The following NALF1 variants were observed in gnomAD, a reference collection of about 807,000 sequenced individuals.
NALF1 encodes NALCN channel auxiliary factor 1.
A neutral mutation model predicts 48.4 loss-of-function variants in NALF1; 3 were observed. The observed-to-expected ratio is 0.06, with a 90% CI of 0.03 to 0.16. The LOEUF is 0.16. Among genes scored for constraint, NALF1 ranks in the 10% least tolerant of loss-of-function variants. NALF1 has a pLI of 1.00. For missense variants in NALF1, 526 were observed against 571.5 expected (o/e 0.92, Z 0.81); for synonymous variants, 262 against 245.7 (o/e 1.07, Z -0.62).
At chr13:107,222,236 C>A (rs1566455924) in intron 1 of NALF1, among the ~76,000 whole-genome samples, 1 of 152,128 alleles carries the variant, frequency 6.6e-6, no homozygotes, top group African/African-American at 2.4e-5. Flanking sequence ...GGTCTTAAGA[C>A]CTTCTTTCTC....
Position 107,550,322 on chromosome 13 carries a change from C to T in NALF1, c.915+315360G>A, listed in dbSNP as rs144521856. ...TTGGGCTAAGGACTTCTCTGTGCTA[C>T]TAGGGCTCCGATTGTTTCACTCATT... is the stretch of plus-strand genomic sequence containing the variant. On this transcript the variant is annotated intron_variant, in intron 1 of 2. Coordinates refer to ENST00000375915, the MANE Select transcript of NALF1 (RefSeq NM_001080396.3). Among the ~76,000 whole-genome samples, 569 of 152,228 alleles carry T rather than the reference C, an allele frequency of 3.7e-3. 2 individuals carry two copies. Among genetic ancestry groups the T allele is most frequent in the African/African-American group, 0.013 (544 of 41,534 alleles).
chr13:107,692,055 G>A (rs915556845), intron 1 of NALF1, among the ~76,000 whole-genome samples: 22 of 151,894 alleles, frequency 1.4e-4, no homozygotes, highest in African/African-American at 3.4e-4. Context: ...AAAATCTTAC[G>A]GACAAATGAG....
intron 1 of NALF1, among the ~76,000 whole-genome samples, chr13:107,646,169 C>A (rs981350457): frequency 6.6e-6 from 1 of 151,904 alleles, no homozygotes; most frequent in Non-Finnish European, 1.5e-5. Context: ...TCAGTGGGAA[C>A]GCTGGTCAAC....
At chr13:107,600,474 C>A (rs367597739) in intron 1 of NALF1, among the ~76,000 whole-genome samples, 1 of 151,398 alleles carries the variant, frequency 6.6e-6, no homozygotes, top group Non-Finnish European at 1.5e-5. Flanking sequence ...GCCAGATATT[C>A]TAACTATGTT....
chr13:107,283,041 C>T lies in NALF1; in HGVS notation c.916-72286G>A, dbSNP rs187565719. On this transcript the variant is annotated intron_variant, in intron 1 of 2. Transcript: ENST00000375915. The stretch of plus-strand genomic sequence containing the variant: ...ACATACTTCCAATTTTAGACGGAAA[C>T]GGTCAGTACAGAGGAACGGACGGGA... 3.9e-3 allele frequency among the ~76,000 whole-genome samples: 598 copies of T among 152,198 alleles called. 10 individuals are homozygous for T. The highest frequency in any genetic ancestry group is 0.021 in the South Asian group (101 of 4,816).
chr13:107,680,473 TGA>T (rs531257148), intron 1 of NALF1, among the ~76,000 whole-genome samples: 134 of 152,028 alleles, frequency 8.8e-4, no homozygotes, highest in African/African-American at 2.4e-3. Context: ...TGCATATGAA[TGA>T]GAGTGTGTGT....
At chr13:107,539,141 T>C (rs528005577) in intron 1 of NALF1, among the ~76,000 whole-genome samples, 1 of 151,994 alleles carries the variant, frequency 6.6e-6, no homozygotes, top group African/African-American at 2.4e-5. Flanking sequence ...CCATTTTCCA[T>C]TGCTCTAACA....
chr13:107,184,566 T>C (rs1879133695), intron 2 of NALF1, among the ~76,000 whole-genome samples: 1 of 152,222 alleles, frequency 6.6e-6, no homozygotes, highest in Non-Finnish European at 1.5e-5. Context: ...ATGTTTTCCT[T>C]TTGCAATTTT....
chr13:107,541,510 T>C (rs1876998488), intron 1 of NALF1, among the ~76,000 whole-genome samples: 1 of 152,078 alleles, frequency 6.6e-6, no homozygotes, highest in African/African-American at 2.4e-5. Flanking sequence ...AAGGGAGGGA[T>C]GGAAAGACAG....
intron 1 of NALF1, among the ~76,000 whole-genome samples, chr13:107,818,308 G>C (rs1014089656): frequency 3.9e-5 from 6 of 152,190 alleles, no homozygotes; most frequent in African/African-American, 1.4e-4. Flanking sequence ...AGTGGGAAAA[G>C]AGAGCCAAGT....
intron 1 of NALF1, among the ~76,000 whole-genome samples, chr13:107,344,253 G>A (rs988488679): frequency 1.3e-5 from 2 of 152,054 alleles, no homozygotes; most frequent in Admixed American, 1.3e-4. Flanking sequence ...AGAATTCTAT[G>A]AAACATTTAA....
chr13:107,269,933 T>G, intron 1 of NALF1, among the ~76,000 whole-genome samples: 1 of 141,666 alleles, frequency 7.1e-6, no homozygotes, highest in African/African-American at 2.6e-5. Context: ...TTTTTTTTTT[T>G]TTTTTTTTTT....
chr13:107,215,373 GGATTCTCAGCTGA>G (rs61374733), intron 1 of NALF1, among the ~76,000 whole-genome samples: 25,857 of 151,978 alleles, frequency 0.17, 2,942 homozygotes, highest in East Asian at 0.43. Context: ...CCCTGTGTTT[GGATTCTCAGCTGA>G]GAATCCCTTG....
At chr13:107,647,406 C>T (rs1880341441) in intron 1 of NALF1, among the ~76,000 whole-genome samples, 1 of 151,374 alleles carries the variant, frequency 6.6e-6, no homozygotes, top group South Asian at 2.1e-4. Context: ...ATCATGTTGA[C>T]ACTTGCAGCT....
intron 1 of NALF1, among the ~76,000 whole-genome samples, chr13:107,832,581 G>A (rs940250701): frequency 1.3e-5 from 2 of 152,086 alleles, no homozygotes; most frequent in African/African-American, 2.4e-5. Flanking sequence ...CCCGTCTTAC[G>A]AAATGATACC....
intron 1 of NALF1, among the ~76,000 whole-genome samples, chr13:107,275,871 T>C (rs1408841852): frequency 6.6e-6 from 1 of 152,316 alleles, no homozygotes; most frequent in East Asian, 1.9e-4. Context: ...TGTTTAGACC[T>C]GACTGGGGCT....
chr13:107,610,198 G>A (rs548885678), intron 1 of NALF1, among the ~76,000 whole-genome samples: 11 of 152,142 alleles, frequency 7.2e-5, no homozygotes, highest in Non-Finnish European at 1.5e-4. Context: ...AAGCACCTGG[G>A]CAGTATCTAA....
At chr13:107,366,250 A>G (rs892203696) in intron 1 of NALF1, among the ~76,000 whole-genome samples, 11 of 152,210 alleles carry the variant, frequency 7.2e-5, no homozygotes, top group African/African-American at 2.7e-4. Context: ...ACTATGCCAT[A>G]ATCTTAATAC....
At position 107,307,635 on chromosome 13, in the gene NALF1, TAA is replaced by T. The variant is rs34252962; in HGVS notation, c.916-96882_916-96881del. On this transcript the variant is annotated intron_variant, in intron 1 of 2. Transcript: ENST00000375915. ...AGTAGCTGGATGATTCCTTTTTTAT[TAA>T]AAAAAAAAAAAAAAAAAAACTTGCT... Among the ~76,000 whole-genome samples, 225 of 117,420 alleles carry T rather than the reference TAA, an allele frequency of 1.9e-3. 1 individual carries two copies. Among genetic ancestry groups the T allele is most frequent in the African/African-American group, 6.3e-3 (193 of 30,658 alleles). The allele number at this position is 117,420 out of a possible 152,430, so 77.0% of individuals were successfully genotyped here.
Sources: gnomAD v4.1 joint callset for allele counts (sites outside exome capture counted in the v4.1 genomes callset) on GRCh38, gnomAD v4.1.1 for gene constraint, MANE v1.5 for transcripts, NCBI Gene and HGNC (gene_info 2026-07-23, HGNC 2026-07-21) for gene names.